AFF2: variants seen among roughly 807,000 people sequenced by gnomAD.
AFF2 encodes the protein ALF transcription elongation factor 2.
AFF2 carries 14 observed loss-of-function variants against 76.9 expected under a neutral mutation model. That is an observed-to-expected ratio of 0.18 (90% confidence interval 0.12 to 0.28). The LOEUF is 0.28. Ranked by LOEUF, AFF2 falls within the 10% of genes least tolerant of loss-of-function variation. The pLI is 1.00. For synonymous variants in AFF2, 398 were observed against 366.7 expected, an observed-to-expected ratio of 1.09 and a Z score of -0.98; for missense variants, 868 against 1,001.1, an observed-to-expected ratio of 0.87 and a Z score of 1.79.
chrX:148,854,751 C>T (rs1569556240), intron 7 of AFF2, among the ~76,000 whole-genome samples: 3 of 111,634 alleles, frequency 2.7e-5, no homozygotes, highest in African/African-American at 9.7e-5. Context: ...GGGTGAGTGG[C>T]ACTTGCAATT....
At chrX:148,676,526 C>T (rs782024939) in intron 3 of AFF2, among the ~76,000 whole-genome samples, 3 of 111,963 alleles carry the variant, frequency 2.7e-5, no homozygotes, top group Non-Finnish European at 3.8e-5. Flanking sequence ...GTTGCCTTAT[C>T]TTAGGTAGCT....
rs2054866668 is a variant in AFF2 at position 148,705,129 on chromosome X, C to T, written c.1041+42361C>T. ...TTGTAACATATATCCCACTTCAATT[C>T]TTATTCTGATACTTCTACCTTTTCT... On this transcript the variant is annotated intron_variant, in intron 3 of 20. Transcript: ENST00000370460. Among the ~76,000 whole-genome samples, 3 of 112,114 alleles carry T rather than the reference C, an allele frequency of 2.7e-5. No individual in the cohort carries two copies. The Admixed American group carries it at 2.8e-4, about 11-fold the overall frequency.
intron 3 of AFF2, among the ~76,000 whole-genome samples, chrX:148,698,793 T>C (rs1408873556): frequency 1.4e-5 from 1 of 73,836 alleles, no homozygotes; most frequent in Admixed American, 2.0e-4. Context: ...ATCTGAGTTC[T>C]AGTGTTTTTT....
At chrX:148,755,612 G>A (rs923566827) in intron 3 of AFF2, among the ~76,000 whole-genome samples, 19 of 111,885 alleles carry the variant, frequency 1.7e-4, no homozygotes, top group African/African-American at 6.2e-4. Flanking sequence ...TTATTCTTCA[G>A]ACAAAGGAAT....
chrX:148,703,081 C>G (rs1426306637), intron 3 of AFF2, among the ~76,000 whole-genome samples: 1 of 111,457 alleles, frequency 9.0e-6, no homozygotes, highest in Non-Finnish European at 1.9e-5. Context: ...ATTTGAGGGA[C>G]CAGAACAGAC....
At chrX:148,681,536 ATGTGTG>A (rs35711893) in intron 3 of AFF2, among the ~76,000 whole-genome samples, 25,201 of 97,722 alleles carry the variant, frequency 0.26, 2,706 homozygotes, top group Middle Eastern at 0.37. Context: ...GTGCTAAAAG[ATGTGTG>A]TGTGTGTGTG....
intron 1 of AFF2, among the ~76,000 whole-genome samples, chrX:148,644,222 T>G (rs1272125656): frequency 9.0e-6 from 1 of 111,666 alleles, no homozygotes; most frequent in African/African-American, 3.3e-5. Flanking sequence ...ACTGTGCACG[T>G]TGTGTGAGCA....
rs184581172 is a variant in AFF2 at position 148,857,545 on chromosome X, T to C, written c.1262+14112T>C. ...TCAGTTATAGCTTTCCAATTTTTCA[T>C]ATAATTTAGCATTTCATACTCATTG... On this transcript the variant is annotated intron_variant, in intron 7 of 20. Coordinates refer to ENST00000370460, the MANE Select transcript of AFF2 (RefSeq NM_002025.4). Among the ~76,000 whole-genome samples, 220 of 112,070 alleles carry C rather than the reference T, an allele frequency of 2.0e-3. 1 individual carries two copies. Among genetic ancestry groups the C allele is most frequent in the Non-Finnish European group, 3.5e-3 (188 of 53,008 alleles).
intron 7 of AFF2, among the ~76,000 whole-genome samples, chrX:148,850,973 A>G (rs1557275277): frequency 8.9e-6 from 1 of 112,331 alleles, no homozygotes; most frequent in Non-Finnish European, 1.9e-5. Flanking sequence ...CAGTGTAGAC[A>G]AGCTCCATGG....
chrX:148,994,541 G>T lies in AFF2; in HGVS notation c.*3209G>T, dbSNP rs1557292762. 8.9e-6 allele frequency: 1 copy of T among 112,036 alleles called. No homozygotes were observed. The highest frequency in any genetic ancestry group is 3.2e-5 in the African/African-American group (1 of 30,794). The allele number at this position is 112,036 out of a possible 1,213,427, so 9.2% of individuals were successfully genotyped here. A position where few individuals can be genotyped will look rare whatever the true frequency, so the allele number is the denominator to read the frequency against. ...CTACTTTTAAAAGACTTAAGGTCGG[G>T]ATGCCTTTTTTTCCATGTAAGGAAA... On this transcript the variant is annotated 3_prime_UTR_variant, in exon 21 of 21. Transcript: ENST00000370460.
rs1557288880 is a variant in AFF2 at position 148,967,052 on chromosome X, G to A, written c.3176G>A (p.Arg1059Gln). 4.1e-6 allele frequency: 5 copies of A among 1,208,798 alleles called. No individual in the cohort carries two copies. Among genetic ancestry groups the A allele is most frequent in the South Asian group, 1.8e-5 (1 of 56,702 alleles). Residue 1059 changes from arginine to glutamine, a missense_variant, in exon 14 of 21, where the codon CGG (arginine) becomes CAG (glutamine). Physicochemically the swap from Arg to Gln is conservative, Grantham distance 43 (BLOSUM62 1). Transcript: ENST00000370460. The stretch of plus-strand genomic sequence containing the variant: ...CTATCCAGCAGCAGCACTAATGTCC[G>A]GAGACCCAAGCTCACTTTTGATGAC... ...PLLSSSSTNV[R>Q]RPKLTFDDSV...
At chrX:148,936,860 A>G (rs939372564) in intron 9 of AFF2, among the ~76,000 whole-genome samples, 2 of 112,494 alleles carry the variant, frequency 1.8e-5, no homozygotes, top group Admixed American at 9.4e-5. Flanking sequence ...TCAGTACGTA[A>G]GAGCTTCAGT....
At chrX:148,591,755 A>G (rs974578931) in intron 1 of AFF2, among the ~76,000 whole-genome samples, 2 of 112,214 alleles carry the variant, frequency 1.8e-5, no homozygotes, top group African/African-American at 6.5e-5. Context: ...TTTTACATGC[A>G]CTTGAGCACT....
At chrX:148,625,145 T>A (rs1557251843) in intron 1 of AFF2, among the ~76,000 whole-genome samples, 1 of 111,021 alleles carries the variant, frequency 9.0e-6, no homozygotes, top group African/African-American at 3.3e-5. Context: ...GGGCCTTGCT[T>A]GTCCACAGGG....
At chrX:148,623,774 CAG>C (rs1407974014) in intron 1 of AFF2, among the ~76,000 whole-genome samples, 1 of 110,562 alleles carries the variant, frequency 9.0e-6, no homozygotes, top group African/African-American at 3.3e-5. Context: ...AAAATAACCA[CAG>C]AGTTTCAAAC....
At chrX:148,842,786 G>C (rs1231667000) in intron 5 of AFF2, among the ~76,000 whole-genome samples, 180 bp from the exon 6 acceptor site, 1 of 111,832 alleles carries the variant, frequency 8.9e-6, no homozygotes, top group Non-Finnish European at 1.9e-5. Context: ...AGCAGGTTTG[G>C]CTGGCAAATG....
At chrX:148,886,185 A>G (rs1183583241) in intron 8 of AFF2, among the ~76,000 whole-genome samples, 200 bp downstream of exon 8, 2 of 111,337 alleles carry the variant, frequency 1.8e-5, no homozygotes, top group Non-Finnish European at 3.8e-5. Flanking sequence ...TAGTAAGGAG[A>G]TGCAGAGCTC....
Position 148,505,952 on chromosome X carries a change from T to C in AFF2, c.47+4808T>C, listed in dbSNP as rs2052409605. Among the ~76,000 whole-genome samples, 5 of 95,702 alleles carry C rather than the reference T, an allele frequency of 5.2e-5. No homozygotes were observed. In the South Asian group the frequency reaches 2.2e-3, roughly 43 times the overall value. The allele number at this position is 95,702 out of a possible 115,157, so 83.1% of individuals were successfully genotyped here. A position where few individuals can be genotyped will look rare whatever the true frequency, so the allele number is the denominator to read the frequency against. On this transcript the variant is annotated intron_variant, in intron 1 of 20. Transcript: ENST00000370460. Reference sequence around the variant, plus strand: ...TTGAAGAAACCTTTTTGAGTGTGTGTGTCTGTGTGTGTGTGTGTGTGTGTG... The same window carrying C: ...TTGAAGAAACCTTTTTGAGTGTGTGCGTCTGTGTGTGTGTGTGTGTGTGTG...
At position 148,837,711 on chromosome X, in the gene AFF2, G is replaced by A. The variant is rs2070544933; in HGVS notation, c.1151G>A (p.Ser384Asn). 4.2e-6 allele frequency: 5 copies of A among 1,198,217 alleles called. No individual in the cohort carries two copies. Among genetic ancestry groups the A allele is most frequent in the Non-Finnish European group, 5.7e-6 (5 of 883,841 alleles). The change falls in exon 5 of 21, where the codon AGC becomes AAC. Residue 384 changes from serine (S) to asparagine (N), a missense_variant. Coordinates refer to ENST00000370460, the MANE Select transcript of AFF2 (RefSeq NM_002025.4). ...CATACTGCTGGACACTCTGAGCAGA[G>A]CACCTTTTCCATCCCAGGACAGGTC... ...SMHTAGHSEQSTFSIPGQESQ... is the reference protein window; with the variant it reads ...SMHTAGHSEQNTFSIPGQESQ...
Sources: allele counts gnomAD v4.1 joint callset (sites outside exome capture counted in the v4.1 genomes callset), GRCh38; gene constraint gnomAD v4.1.1; transcripts MANE v1.5; gene names NCBI Gene and HGNC (gene_info 2026-07-23, HGNC 2026-07-21).